RAPGEF5: variants seen among roughly 807,000 people sequenced by gnomAD.
RAPGEF5 encodes Rap guanine nucleotide exchange factor 5, also known as M-Ras-regulated GEF.
Under a neutral mutation model 125.2 loss-of-function variants are expected in RAPGEF5, and 65 were observed. The ratio of observed to expected loss-of-function variants is 0.52; its 90% CI spans 0.43 to 0.64. RAPGEF5 has a LOEUF of 0.64. Ranked by LOEUF, RAPGEF5 falls within the 30% of genes least tolerant of loss-of-function variation. The pLI is 0.00. For synonymous variants in RAPGEF5, 391 were observed against 385.9 expected, an observed-to-expected ratio of 1.01 and a Z score of -0.16; for missense variants, 958 against 1,048.1, an observed-to-expected ratio of 0.91 and a Z score of 1.19.
In RAPGEF5 at chr7:22,119,267, G is replaced by A. The variant is rs1182847089; in HGVS notation, c.*3139C>T. 1 of 152,164 alleles carries A rather than the reference G, an allele frequency of 6.6e-6. No individual in the cohort carries two copies. The highest frequency in any genetic ancestry group is 1.5e-5 in the Non-Finnish European group (1 of 68,036). The allele number at this position is 152,164 out of a possible 1,614,324, so 9.4% of individuals were successfully genotyped here. ...ATTCATGCAGCATCCTCTCCCTGTG[G>A]ACTAGGCAGTGTGAGCACTGACCTT... On this transcript the variant is annotated 3_prime_UTR_variant, in exon 26 of 26. Transcript: ENST00000665637. The surrounding 1 kb of genome is among the most constrained non-coding windows in gnomAD (Gnocchi z 4.1).
At chr7:22,168,009 A>G (rs1784225807) in intron 11 of RAPGEF5, among the ~76,000 whole-genome samples, 1 of 152,180 alleles carries the variant, frequency 6.6e-6, no homozygotes, top group Admixed American at 6.5e-5. Flanking sequence ...TCATTTTACA[A>G]TATGATTTAA....
chr7:22,240,037 C>T (rs1221124492), intron 7 of RAPGEF5, among the ~76,000 whole-genome samples: 2 of 151,700 alleles, frequency 1.3e-5, no homozygotes, highest in African/African-American at 4.8e-5. Flanking sequence ...GGCAAAACCC[C>T]GTCTCTACTA....
chr7:22,278,431 C>CT (rs1352550868), intron 6 of RAPGEF5, among the ~76,000 whole-genome samples: 1 of 151,948 alleles, frequency 6.6e-6, no homozygotes, highest in Non-Finnish European at 1.5e-5. Flanking sequence ...AACAAAATCA[C>CT]TTTTTTGTGG....
intron 12 of RAPGEF5, among the ~76,000 whole-genome samples, chr7:22,166,063 T>G (rs1045502238): frequency 4.8e-5 from 7 of 146,590 alleles, no homozygotes; most frequent in African/African-American, 1.7e-4. Flanking sequence ...ATATATATAT[T>G]ATATACATAT....
intron 9 of RAPGEF5, among the ~76,000 whole-genome samples, chr7:22,210,667 G>T (rs562757433): frequency 1.3e-5 from 2 of 152,088 alleles, no homozygotes; most frequent in Admixed American, 1.3e-4. Flanking sequence ...TGCCTCAGTC[G>T]TGCCCAGTCA....
At chr7:22,315,568 TTTATA>T in intron 2 of RAPGEF5, 92 bp from the exon 3 acceptor site, 1 of 620,954 alleles carries the variant, frequency 1.6e-6, no homozygotes, top group Non-Finnish European at 2.0e-6. Context: ...TATATATATA[TTTATA>T]TATATTCATA....
chr7:22,243,320 G>A (rs371798042), intron 7 of RAPGEF5, among the ~76,000 whole-genome samples: 4 of 152,114 alleles, frequency 2.6e-5, no homozygotes, highest in Admixed American at 2.0e-4. Flanking sequence ...ACAGTGGTGC[G>A]ATCTCAGCTC....
intron 7 of RAPGEF5, among the ~76,000 whole-genome samples, chr7:22,258,661 T>C (rs1343269813): frequency 8.8e-6 from 1 of 113,054 alleles, no homozygotes; most frequent in Non-Finnish European, 1.9e-5. Flanking sequence ...AATAGACAAA[T>C]AGATCAATGG....
intron 1 of RAPGEF5, among the ~76,000 whole-genome samples, chr7:22,353,803 A>C (rs1784372533): frequency 6.6e-6 from 1 of 152,200 alleles, no homozygotes; most frequent in South Asian, 2.1e-4. Flanking sequence ...GAAGTGACTG[A>C]ACTGAGGAAC....
chr7:22,143,213 C>T (rs1232721546), intron 20 of RAPGEF5, among the ~76,000 whole-genome samples: 1 of 152,180 alleles, frequency 6.6e-6, no homozygotes, highest in Non-Finnish European at 1.5e-5. Flanking sequence ...AAAAAGCATT[C>T]ACCATAAAAG....
chr7:22,189,541 G>C (rs1422705225), intron 11 of RAPGEF5, among the ~76,000 whole-genome samples: 1 of 151,842 alleles, frequency 6.6e-6, no homozygotes, highest in South Asian at 2.1e-4. Flanking sequence ...TACCTTCCTC[G>C]TAATTCTCTC....
At chr7:22,251,918 G>C (rs1430486987) in intron 7 of RAPGEF5, among the ~76,000 whole-genome samples, 1 of 151,814 alleles carries the variant, frequency 6.6e-6, no homozygotes, top group Admixed American at 6.6e-5. Context: ...TCAGATCTCT[G>C]GTGTGTAAAT....
At chr7:22,351,330 C>G (rs1710374917) in intron 1 of RAPGEF5, among the ~76,000 whole-genome samples, 1 of 152,174 alleles carries the variant, frequency 6.6e-6, no homozygotes, top group South Asian at 2.1e-4. Context: ...AGTGAAAAGT[C>G]TGACATTATT....
intron 20 of RAPGEF5, among the ~76,000 whole-genome samples, chr7:22,140,917 T>C (rs1287031679): frequency 6.6e-6 from 1 of 151,448 alleles, no homozygotes; most frequent in Admixed American, 6.6e-5. Flanking sequence ...TTTAAAATAA[T>C]AAAAAAAAAT....
At chr7:22,288,796 T>C (rs1030516802) in intron 6 of RAPGEF5, among the ~76,000 whole-genome samples, 8 of 152,222 alleles carry the variant, frequency 5.3e-5, no homozygotes, top group African/African-American at 1.4e-4. Flanking sequence ...ATCTTTCTTT[T>C]GGTTCCCACA....
At chr7:22,334,758 TA>T (rs1201179818) in intron 1 of RAPGEF5, among the ~76,000 whole-genome samples, 1 of 152,224 alleles carries the variant, frequency 6.6e-6, no homozygotes, top group African/African-American at 2.4e-5. Flanking sequence ...ACAGAGAGGT[TA>T]AGTCACTTGC....
At chr7:22,197,893 T>TGGG (rs56101457) in intron 9 of RAPGEF5, among the ~76,000 whole-genome samples, 17,301 of 115,506 alleles carry the variant, frequency 0.15, 1,624 homozygotes, top group South Asian at 0.24. Context: ...TCTTTTTTTT[T>TGGG]GGGGGGGGGT....
chr7:22,298,051 G>T (rs1783106457), intron 5 of RAPGEF5, among the ~76,000 whole-genome samples: 1 of 152,022 alleles, frequency 6.6e-6, no homozygotes, highest in Non-Finnish European at 1.5e-5. Context: ...GAATTATATT[G>T]AATGATTTTT....
At chr7:22,234,575 T>C (rs1786139165) in intron 7 of RAPGEF5, among the ~76,000 whole-genome samples, 1 of 152,186 alleles carries the variant, frequency 6.6e-6, no homozygotes, top group African/African-American at 2.4e-5. Context: ...CTAAAGCATA[T>C]GCTTTGAGTG....
Sources: allele counts gnomAD v4.1 joint callset (sites outside exome capture counted in the v4.1 genomes callset), GRCh38; gene constraint gnomAD v4.1.1; non-coding constraint Gnocchi (gnomAD v3.1); transcripts MANE v1.5; gene names NCBI Gene and HGNC (gene_info 2026-07-23, HGNC 2026-07-21).